FBXL7: variants seen among roughly 807,000 people sequenced by gnomAD.
FBXL7 encodes the protein F-box/LRR-repeat protein 7.
In FBXL7, 12 loss-of-function variants were observed where a neutral mutation model predicts 38.3. The observed-to-expected ratio is 0.31, with a 90% confidence interval of 0.20 to 0.51. FBXL7 has a LOEUF of 0.51. FBXL7 is among the 20% of genes least tolerant of loss of function. The pLI is 0.98. For missense variants in FBXL7, 567 were observed against 676.4 expected (o/e 0.84, Z 1.79); for synonymous variants, 297 against 300.9 (o/e 0.99, Z 0.13).
intron 2 of FBXL7, among the ~76,000 whole-genome samples, chr5:15,832,201 TC>T (rs1347410026): frequency 6.6e-6 from 1 of 152,126 alleles, no homozygotes; most frequent in Non-Finnish European, 1.5e-5. Flanking sequence ...TATCACCCTT[TC>T]CCTGAGGGCA....
chr5:15,677,474 A>AAGAGAGGGCG (rs1742699592), intron 2 of FBXL7, among the ~76,000 whole-genome samples: 1 of 149,084 alleles, frequency 6.7e-6, no homozygotes, highest in Non-Finnish European at 1.5e-5. Flanking sequence ...AAAAGAAAGA[A>AAGAGAGGGCG]AGAGAGAGAG....
chr5:15,551,892 A>G (rs1408781522), intron 1 of FBXL7, among the ~76,000 whole-genome samples: 3 of 152,146 alleles, frequency 2.0e-5, no homozygotes, highest in Admixed American at 6.5e-5. Context: ...CTTTCTTGTA[A>G]AGAGTCCCTT....
chr5:15,834,320 G>A (rs1192148344), intron 2 of FBXL7, among the ~76,000 whole-genome samples: 1 of 152,068 alleles, frequency 6.6e-6, no homozygotes, highest in Non-Finnish European at 1.5e-5. Context: ...GCAGATTTTT[G>A]TCCAATTTTG....
chr5:15,671,318 C>T (rs1579364623), intron 2 of FBXL7, among the ~76,000 whole-genome samples: 1 of 152,158 alleles, frequency 6.6e-6, no homozygotes, highest in Non-Finnish European at 1.5e-5. Flanking sequence ...CAGTATAAAT[C>T]GATTTCACTT....
At chr5:15,605,386 G>A (rs764076412) in intron 1 of FBXL7, among the ~76,000 whole-genome samples, 1 of 152,154 alleles carries the variant, frequency 6.6e-6, no homozygotes, top group Non-Finnish European at 1.5e-5. Flanking sequence ...ACACAGAGTA[G>A]AATATTATTC....
chr5:15,563,557 A>G (rs1738478418), intron 1 of FBXL7, among the ~76,000 whole-genome samples: 2 of 152,034 alleles, frequency 1.3e-5, no homozygotes, highest in Admixed American at 6.6e-5. Flanking sequence ...TGTTTGAAAC[A>G]ATCCTCAAGG....
In FBXL7 at chr5:15,571,704, G is replaced by C. The variant is rs923276163; in HGVS notation, c.38-44279G>C. ...GGAGTTGCCCTGGGTCCACCTCAATGCCATAAGGGAAGAGTGCTTGGAGGC... is the reference window on the plus strand; with the variant it reads ...GGAGTTGCCCTGGGTCCACCTCAATCCCATAAGGGAAGAGTGCTTGGAGGC... On this transcript the variant is annotated intron_variant, in intron 1 of 3. Coordinates refer to ENST00000504595, the MANE Select transcript of FBXL7 (RefSeq NM_012304.5). 3.4e-4 allele frequency among the ~76,000 whole-genome samples: 51 copies of C among 152,122 alleles called. 1 individual carries two copies. The highest frequency in any genetic ancestry group is 6.2e-4 in the South Asian group (3 of 4,828).
chr5:15,621,051 G>A (rs1367171175), intron 2 of FBXL7, among the ~76,000 whole-genome samples: 2 of 152,216 alleles, frequency 1.3e-5, no homozygotes, highest in Non-Finnish European at 2.9e-5. Context: ...CCTAGGCACA[G>A]TGGGCACATT....
At chr5:15,889,297 C>T (rs1240441035) in intron 2 of FBXL7, among the ~76,000 whole-genome samples, 2 of 152,146 alleles carry the variant, frequency 1.3e-5, no homozygotes, top group Non-Finnish European at 2.9e-5. Context: ...TCTGATACAC[C>T]CCCAAACATC....
At position 15,684,652 on chromosome 5, in the gene FBXL7, G is replaced by T. The variant is rs145132353; in HGVS notation, c.127+68580G>T. Among the ~76,000 whole-genome samples the T allele has an allele frequency of 5.3e-5, 8 of 152,288 alleles. No homozygotes were observed. The South Asian group carries it at 1.0e-3, about 20-fold the overall frequency. ...CTGGTGTCCTTATAAGAGCAAAGGA[G>T]AAGAGTCAGAGTCAGAATCCAAGAA... is the stretch of plus-strand genomic sequence containing the variant. On this transcript the variant is annotated intron_variant, in intron 2 of 3. Transcript: ENST00000504595.
intron 2 of FBXL7, among the ~76,000 whole-genome samples, chr5:15,621,916 A>G (rs1740659974): frequency 6.6e-6 from 1 of 152,090 alleles, no homozygotes; most frequent in Admixed American, 6.5e-5. Flanking sequence ...TTTTTTTTAC[A>G]TTAATTAATG....
chr5:15,555,974 CATCT>C (rs144598945), intron 1 of FBXL7, among the ~76,000 whole-genome samples: 3,070 of 140,952 alleles, frequency 0.022, 36 homozygotes, highest in Middle Eastern at 0.033. Flanking sequence ...ATCTGTCTAT[CATCT>C]ATCTATCTAT....
chr5:15,678,749 C>T (rs1337596180), intron 2 of FBXL7, among the ~76,000 whole-genome samples: 1 of 152,180 alleles, frequency 6.6e-6, no homozygotes, highest in Non-Finnish European at 1.5e-5. Context: ...TCTTGACGCT[C>T]TCATTCTCTC....
intron 1 of FBXL7, among the ~76,000 whole-genome samples, chr5:15,504,405 G>A (rs761371773): frequency 1.2e-4 from 19 of 152,066 alleles, no homozygotes; most frequent in African/African-American, 4.6e-4. Context: ...TTGATCTCTC[G>A]TCTCTGTCTT....
intron 2 of FBXL7, among the ~76,000 whole-genome samples, chr5:15,684,554 T>G (rs1742952750): frequency 6.6e-6 from 1 of 152,194 alleles, no homozygotes; most frequent in African/African-American, 2.4e-5. Context: ...CAAAAGAGAC[T>G]TTGCAGATGT....
intron 2 of FBXL7, among the ~76,000 whole-genome samples, chr5:15,620,090 G>T (rs1740577875): frequency 6.6e-6 from 1 of 152,192 alleles, no homozygotes; most frequent in South Asian, 2.1e-4. Context: ...TCTGAAATTG[G>T]ATAGTGATGA....
intron 1 of FBXL7, among the ~76,000 whole-genome samples, chr5:15,529,028 C>G (rs1737339165): frequency 6.6e-6 from 1 of 152,050 alleles, no homozygotes; most frequent in Non-Finnish European, 1.5e-5. Context: ...AAATGTATTC[C>G]TCCTTTCTAA....
At chr5:15,653,033 A>T (rs1741763828) in intron 2 of FBXL7, among the ~76,000 whole-genome samples, 1 of 151,752 alleles carries the variant, frequency 6.6e-6, no homozygotes, top group Non-Finnish European at 1.5e-5. Context: ...ATTAAAAATT[A>T]AAAACAAAAA....
intron 2 of FBXL7, among the ~76,000 whole-genome samples, chr5:15,898,802 A>C (rs1223844894): frequency 2.6e-5 from 4 of 152,190 alleles, no homozygotes. Context: ...ATGCGTTTGC[A>C]GCGCCATTTC....
Sources: gnomAD v4.1 joint callset for allele counts (sites outside exome capture counted in the v4.1 genomes callset) on GRCh38, gnomAD v4.1.1 for gene constraint, MANE v1.5 for transcripts, NCBI Gene and HGNC (gene_info 2026-07-23, HGNC 2026-07-21) for gene names.